Variants in SIGLEC1 observed in about 807,000 individuals in gnomAD.
SIGLEC1 encodes sialic acid binding Ig like lectin 1.
Under a neutral mutation model 148.0 loss-of-function variants are expected in SIGLEC1, and 132 were observed. The ratio of observed to expected loss-of-function variants is 0.89; its 90% CI spans 0.77 to 1.03. The LOEUF is 1.03. SIGLEC1 is among the 50% of genes least tolerant of loss of function. SIGLEC1 has a pLI of 0.00. For synonymous variants in SIGLEC1, 945 were observed against 969.0 expected (o/e 0.98, Z 0.46); for missense variants, 2,253 against 2,271.4 (o/e 0.99, Z 0.16).
chr20:3,696,534 G>A, intron 11 of SIGLEC1, 52 bp downstream of exon 11: 1 of 1,518,016 alleles, frequency 6.6e-7, no homozygotes, highest in Non-Finnish European at 8.9e-7. Flanking sequence ...TCTGACCAGA[G>A]TAGTCCCCAG....
At chr20:3,696,129 T>TATATACACACAC (rs11087599) in intron 11 of SIGLEC1, among the ~76,000 whole-genome samples, 112 of 142,510 alleles carry the variant, frequency 7.9e-4, no homozygotes, top group African/African-American at 2.3e-3. Flanking sequence ...ACTATATATA[T>TATATACACACAC]ACACACACAC....
At position 3,688,621 on chromosome 20, in the gene SIGLEC1, T is replaced by C; in HGVS notation, c.5071-2A>G. ...TGTGGCTGCATCAGGATCAATGAGCTTCCCACAGAGAAAACCCTGGTCACA... is the reference window on the plus strand; with the variant it reads ...TGTGGCTGCATCAGGATCAATGAGCCTCCCACAGAGAAAACCCTGGTCACA... On this transcript the variant is annotated splice_acceptor_variant, in intron 21 of 21. Transcript: ENST00000344754. LOFTEE classifies it high-confidence loss of function. 1 of 1,591,574 alleles carries C rather than the reference T, an allele frequency of 6.3e-7. No homozygotes were observed. Among genetic ancestry groups the C allele is most frequent in the Non-Finnish European group, 8.6e-7 (1 of 1,168,752 alleles).
At chr20:3,699,066 C>G in intron 8 of SIGLEC1, 136 bp downstream of exon 8, 1 of 982,174 alleles carries the variant, frequency 1.0e-6, no homozygotes, top group Non-Finnish European at 1.5e-6. Flanking sequence ...ATGGAAAGAC[C>G]CACTGTGGCC....
At chr20:3,707,030 C>A (rs1474916769) in intron 2 of SIGLEC1, 50 bp downstream of exon 2, 1 of 1,580,804 alleles carries the variant, frequency 6.3e-7, no homozygotes, top group African/African-American at 1.3e-5. Flanking sequence ...AAGGGCTGGA[C>A]TTATGAAGGC....
chr20:3,709,475 TG>T (rs2087917244), intron 1 of SIGLEC1, among the ~76,000 whole-genome samples: 1 of 152,206 alleles, frequency 6.6e-6, no homozygotes, highest in South Asian at 2.1e-4. Context: ...GTATTGCTGG[TG>T]GGAATATAAA....
Position 3,693,506 on chromosome 20 carries a change from C to A in SIGLEC1, c.3449G>T (p.Gly1150Val). ...GGGTGCCCGACCAGGGGGGCCCACA[C>A]CGCAGCGGTAGGAGGTGGCATCCCT... is the stretch of plus-strand genomic sequence containing the variant. ...TVRDATSYRC[G>V]VGPPGRAPRL... Residue 1150 changes from glycine (G) to valine (V), a missense_variant, in exon 14 of 22, where the codon GGT (glycine) becomes GTT (valine). By Grantham distance (109) the Gly-to-Val change is moderately radical. Transcript: ENST00000344754. The A allele has an allele frequency of 6.2e-7, 1 of 1,609,812 alleles. No homozygotes were observed. Among genetic ancestry groups the A allele is most frequent in the Non-Finnish European group, 8.5e-7 (1 of 1,177,934 alleles).
At chr20:3,702,925 T>G in intron 6 of SIGLEC1, 1 of 463,826 alleles carries the variant, frequency 2.2e-6, no homozygotes, top group South Asian at 2.5e-5. Flanking sequence ...TGCCAAAATG[T>G]TAATAAATGG....
chr20:3,703,477 G>A, intron 5 of SIGLEC1, 26 bp from the exon 6 acceptor site: 1 of 1,543,076 alleles, frequency 6.5e-7, no homozygotes, highest in Non-Finnish European at 8.7e-7. Context: ...AGGGAGTGCT[G>A]GGGGGTCCCA....
At chr20:3,688,888 C>T (rs1467474634) in intron 21 of SIGLEC1, 8 of 597,386 alleles carry the variant, frequency 1.3e-5, no homozygotes, top group Admixed American at 9.0e-5. Flanking sequence ...TCAGAACATA[C>T]GTGTCTTGGA....
chr20:3,692,271 T>A, intron 16 of SIGLEC1, 69 bp from the exon 17 acceptor site: 1 of 1,455,352 alleles, frequency 6.9e-7, no homozygotes, highest in South Asian at 1.4e-5. Flanking sequence ...CCTAGCTGCC[T>A]GGGGTTGGTC....
chr20:3,704,533 A>T (rs1346305310), intron 4 of SIGLEC1, among the ~76,000 whole-genome samples: 1 of 152,272 alleles, frequency 6.6e-6, no homozygotes, highest in Non-Finnish European at 1.5e-5. Flanking sequence ...ATAGTTACCC[A>T]GTTTGTAAGC....
Position 3,691,328 on chromosome 20 carries a change from G to T in SIGLEC1, c.4591+12C>A. ...TGGGGAGACTAAGGCGGAGGAGGGG[G>T]TTCACACTCACAGAGCACACGGAGC... On this transcript the variant is annotated intron_variant, in intron 18 of 21. Coordinates refer to ENST00000344754, the MANE Select transcript of SIGLEC1 (RefSeq NM_023068.4). The T allele has an allele frequency of 1.9e-6, 3 of 1,612,816 alleles. No individual in the cohort carries two copies. The highest frequency in any genetic ancestry group is 2.5e-6 in the Non-Finnish European group (3 of 1,179,462).
chr20:3,690,368 G>A (rs2088746689), intron 18 of SIGLEC1, 104 bp from the exon 19 acceptor site: 1 of 906,476 alleles, frequency 1.1e-6, no homozygotes, highest in Non-Finnish European at 1.6e-6. Flanking sequence ...TTAAGAGGCA[G>A]AACCTATTTC....
rs2088805445 is a variant in SIGLEC1, at chr20:3,694,721, G to T, written c.2886C>A (p.Ala962=). 3 of 1,613,864 alleles carry T rather than the reference G, an allele frequency of 1.9e-6. No individual in the cohort carries two copies. The highest frequency in any genetic ancestry group is 2.5e-6 in the Non-Finnish European group (3 of 1,180,020). The change falls in exon 12 of 22, where the codon GCC becomes GCA. Residue 962 remains alanine, a synonymous_variant. Coordinates refer to ENST00000344754, the MANE Select transcript of SIGLEC1 (RefSeq NM_023068.4). ...TCGTGGTGGCTGAGCCTGGGGCCTG[G>T]GCTTGGCAATGATAGGCCCCAGCTT... ...LTQAGAYHCQ[A]QAPGSATTSL...
intron 14 of SIGLEC1, 40 bp from the exon 15 acceptor site, chr20:3,693,171 A>G: frequency 6.7e-7 from 1 of 1,503,100 alleles, no homozygotes; most frequent in Non-Finnish European, 8.8e-7. Context: ...CACAGGCAGC[A>G]GCCTGCAGGA....
rs2088787901 is a variant in SIGLEC1 at position 3,693,519 on chromosome 20, A to G, written c.3436T>C (p.Ser1146Pro). 1 of 1,611,204 alleles carries G rather than the reference A, an allele frequency of 6.2e-7. No individual in the cohort carries two copies. The change falls in exon 14 of 22, where the codon TCC (serine) becomes CCC (proline). Residue 1146 changes from serine (S) to proline (P), a missense_variant. By Grantham distance (74) the Ser-to-Pro change is moderately conservative. Coordinates refer to ENST00000344754, the MANE Select transcript of SIGLEC1 (RefSeq NM_023068.4). ...LPNVTVRDAT[S>P]YRCGVGPPGR... is the part of the protein sequence containing the mutation. ...GGGGGGCCCACACCGCAGCGGTAGG[A>G]GGTGGCATCCCTGACTGTGACGTTG...
In SIGLEC1 at chr20:3,691,576, C is replaced by G. The variant is rs762844099; in HGVS notation, c.4355G>C (p.Gly1452Ala). 6.2e-7 allele frequency: 1 copy of G among 1,612,596 alleles called. No individual in the cohort carries two copies. Among genetic ancestry groups the G allele is most frequent in the South Asian group, 1.1e-5 (1 of 91,034 alleles). ...GGCAGCGCCCTCAGGCACGTCCAGG[C>G]CAGGCTCTGCCACCACGCGTGCACC... ...VEGARVVAEPGLDVPEGAALN... is the reference protein window; with the variant it reads ...VEGARVVAEPALDVPEGAALN... The change falls in exon 18 of 22, where the codon GGC (glycine) becomes GCC (alanine). Residue 1452 changes from glycine to alanine, a missense_variant. Transcript: ENST00000344754.
rs1403442562 is a variant in SIGLEC1, at chr20:3,690,094, G to T, written c.4762C>A (p.His1588Asn). 1 of 1,611,592 alleles carries T rather than the reference G, an allele frequency of 6.2e-7. No individual in the cohort carries two copies. ...PQGAPAEPHIHVLASPNALRV... is the reference protein window; with the variant it reads ...PQGAPAEPHINVLASPNALRV... Reference sequence around the variant, plus strand: ...AGGGCATTGGGGGAAGCCAGGACATGGATGTGTGGCTCTGCAGGAGCACCC... The same window carrying T: ...AGGGCATTGGGGGAAGCCAGGACATTGATGTGTGGCTCTGCAGGAGCACCC... Residue 1588 changes from histidine to asparagine, a missense_variant, in exon 19 of 22, where the codon CAT (histidine) becomes AAT (asparagine). By Grantham distance (68) the His-to-Asn change is moderately conservative. Coordinates refer to ENST00000344754, the MANE Select transcript of SIGLEC1 (RefSeq NM_023068.4).
rs778364776 is a variant in SIGLEC1, at chr20:3,690,027, T to C, written c.4829A>G (p.Glu1610Gly). ...GACATTTGAGGCAGAACAGATGTAT[T>C]CCCCTTGGTCGCTGGGCCTCAGCGC... ...IEALRPSDQG[E>G]YICSASNVLG... Residue 1610 changes from glutamate (E) to glycine (G), a missense_variant, in exon 19 of 22, where the codon GAA (glutamate) becomes GGA (glycine). Physicochemically the swap from Glu to Gly is moderately conservative, Grantham distance 98. Coordinates refer to ENST00000344754, the MANE Select transcript of SIGLEC1 (RefSeq NM_023068.4). 4 of 1,612,982 alleles carry C rather than the reference T, an allele frequency of 2.5e-6. No individual in the cohort carries two copies. Among genetic ancestry groups the C allele is most frequent in the Admixed American group, 1.7e-5 (1 of 59,938 alleles).
Sources: allele counts gnomAD v4.1 joint callset (sites outside exome capture counted in the v4.1 genomes callset), GRCh38; gene constraint gnomAD v4.1.1; transcripts MANE v1.5; gene names NCBI Gene and HGNC (gene_info 2026-07-23, HGNC 2026-07-21).